MPPED2: variants seen among roughly 807,000 people sequenced by gnomAD.
MPPED2 encodes metallophosphoesterase domain containing 2.
Under a neutral mutation model 33.0 loss-of-function variants are expected in MPPED2, and 5 were observed. The observed-to-expected ratio is 0.15, with a 90% confidence interval of 0.08 to 0.32. The LOEUF (loss-of-function observed/expected upper bound fraction) is 0.32, where lower values mean the gene tolerates loss of function less well. MPPED2 is among the 10% of genes least tolerant of loss of function. The probability of loss-of-function intolerance (pLI) is 1.00; values close to 1 mark genes in which losing one functional copy is unlikely to be tolerated. For missense variants in MPPED2, 275 were observed against 372.1 expected (o/e 0.74, Z 2.15); for synonymous variants, 136 against 141.9 (o/e 0.96, Z 0.29).
At chr11:30,428,855 G>A (rs947177208) in intron 4 of MPPED2, 1 of 152,144 alleles carries the variant, frequency 6.6e-6, no homozygotes, top group Non-Finnish European at 1.5e-5. Flanking sequence ...TCATCATTAT[G>A]AATGTTAATA....
intron 2 of MPPED2, among the ~76,000 whole-genome samples, chr11:30,540,742 T>A (rs1955058891): frequency 1.3e-5 from 2 of 152,164 alleles, no homozygotes; most frequent in Admixed American, 1.3e-4. Context: ...TGCCTGTCCC[T>A]CCTTCTTAAT....
intron 3 of MPPED2, among the ~76,000 whole-genome samples, chr11:30,504,989 G>T (rs1383335014): frequency 2.0e-5 from 3 of 152,074 alleles, no homozygotes; most frequent in African/African-American, 7.2e-5. Flanking sequence ...TCCCTCCTCC[G>T]CTTCAGCCTC....
intron 2 of MPPED2, among the ~76,000 whole-genome samples, chr11:30,542,336 A>T (rs1390993101): frequency 3.9e-5 from 6 of 151,932 alleles, no homozygotes; most frequent in Admixed American, 6.6e-5. Context: ...AACACGAGCC[A>T]GGTTCGGTGG....
At chr11:30,473,370 G>T (rs1590422390) in intron 4 of MPPED2, among the ~76,000 whole-genome samples, 1 of 152,032 alleles carries the variant, frequency 6.6e-6, no homozygotes, top group African/African-American at 2.4e-5. Flanking sequence ...ACTCCATCTT[G>T]CCAAAGGTCC....
chr11:30,414,018 G>A (rs892021875), intron 6 of MPPED2, among the ~76,000 whole-genome samples: 9 of 152,224 alleles, frequency 5.9e-5, no homozygotes, highest in African/African-American at 1.4e-4. Context: ...GACCAGACGT[G>A]CTTCCTACTT....
intron 4 of MPPED2, among the ~76,000 whole-genome samples, chr11:30,444,230 C>T (rs966737704): frequency 2.6e-5 from 4 of 152,132 alleles, no homozygotes; most frequent in African/African-American, 9.7e-5. Flanking sequence ...AGAACTGACC[C>T]GGCATGATCT....
intron 2 of MPPED2, among the ~76,000 whole-genome samples, chr11:30,551,462 G>C (rs896766051): frequency 2.0e-5 from 3 of 152,066 alleles, no homozygotes; most frequent in Non-Finnish European, 2.9e-5. Flanking sequence ...TCAATGCTAA[G>C]TTGAAAAATT....
intron 1 of MPPED2, among the ~76,000 whole-genome samples, chr11:30,581,938 T>C (rs1957187820): frequency 6.6e-6 from 1 of 152,188 alleles, no homozygotes; most frequent in African/African-American, 2.4e-5. Context: ...ATGGGAGGTA[T>C]GAGTCTTTTA....
intron 2 of MPPED2, among the ~76,000 whole-genome samples, chr11:30,560,282 G>T (rs952971441): frequency 5.3e-5 from 8 of 151,242 alleles, no homozygotes; most frequent in Non-Finnish European, 1.0e-4. Context: ...CATAGTAGTT[G>T]CTTAAAAGAT....
At chr11:30,503,497 T>G (rs1018030854) in intron 3 of MPPED2, among the ~76,000 whole-genome samples, 2 of 152,094 alleles carry the variant, frequency 1.3e-5, no homozygotes, top group African/African-American at 2.4e-5. Flanking sequence ...CAAATATCCT[T>G]TCTCCACACC....
intron 3 of MPPED2, among the ~76,000 whole-genome samples, chr11:30,497,735 T>G (rs996410894): frequency 1.3e-5 from 2 of 151,094 alleles, no homozygotes; most frequent in Admixed American, 1.3e-4. Context: ...TTAGTAAAAC[T>G]GCTGCAAAGT....
intron 3 of MPPED2, among the ~76,000 whole-genome samples, chr11:30,531,901 T>A (rs955460848): frequency 1.3e-5 from 2 of 152,250 alleles, no homozygotes; most frequent in African/African-American, 4.8e-5. Context: ...ACCATGGTTT[T>A]ACCCAGGATG....
chr11:30,424,197 G>C, intron 4 of MPPED2, among the ~76,000 whole-genome samples: 1 of 152,112 alleles, frequency 6.6e-6, no homozygotes, highest in East Asian at 1.9e-4. Context: ...TCAGACAAGC[G>C]GTTACTTTGG....
At chr11:30,427,178 G>A (rs1948876778) in intron 4 of MPPED2, among the ~76,000 whole-genome samples, 1 of 152,180 alleles carries the variant, frequency 6.6e-6, no homozygotes, top group African/African-American at 2.4e-5. Context: ...AAGAGGAAAG[G>A]TAGGTTCGGG....
At chr11:30,439,457 C>G (rs1949470413) in intron 4 of MPPED2, among the ~76,000 whole-genome samples, 1 of 152,148 alleles carries the variant, frequency 6.6e-6, no homozygotes, top group South Asian at 2.1e-4. Context: ...TCTACAGCAT[C>G]CTGGCACCTT....
At chr11:30,484,028 G>T (rs1329227073) in intron 4 of MPPED2, among the ~76,000 whole-genome samples, 1 of 152,174 alleles carries the variant, frequency 6.6e-6, no homozygotes, top group Non-Finnish European at 1.5e-5. Context: ...TCAATATGTT[G>T]ACTCTGCTCT....
At chr11:30,457,911 A>C (rs913315831) in intron 4 of MPPED2, among the ~76,000 whole-genome samples, 1 of 152,204 alleles carries the variant, frequency 6.6e-6, no homozygotes, top group African/African-American at 2.4e-5. Flanking sequence ...CTAACACATT[A>C]AATTCCTAAT....
At chr11:30,552,614 TTCTC>T (rs1324652992) in intron 2 of MPPED2, among the ~76,000 whole-genome samples, 4 of 152,282 alleles carry the variant, frequency 2.6e-5, no homozygotes, top group East Asian at 1.9e-4. Flanking sequence ...GTTTTGTTTT[TTCTC>T]TCTCTCTCCG....
At chr11:30,483,510 G>C (rs768833966) in intron 4 of MPPED2, among the ~76,000 whole-genome samples, 12 of 152,152 alleles carry the variant, frequency 7.9e-5, no homozygotes, top group Admixed American at 3.9e-4. Flanking sequence ...AAGTGGGAGA[G>C]AGACTTCTGC....
Sources: gnomAD v4.1 joint callset for allele counts (sites outside exome capture counted in the v4.1 genomes callset) on GRCh38, gnomAD v4.1.1 for gene constraint, MANE v1.5 for transcripts, NCBI Gene and HGNC (gene_info 2026-07-23, HGNC 2026-07-21) for gene names.